Variants in PAQR4 observed in about 807,000 individuals in gnomAD.
The protein encoded by PAQR4 is progestin and adipoQ receptor family member IV.
In PAQR4, 26 loss-of-function variants were observed where a neutral mutation model predicts 20.9. The ratio of observed to expected loss-of-function variants is 1.24; its 90% CI spans 0.91 to 1.73. PAQR4 has a LOEUF of 1.73. Among genes scored for constraint, PAQR4 ranks in the 40% most tolerant of loss-of-function variants. PAQR4 has a pLI of 0.00. For missense variants in PAQR4, 400 were observed against 380.1 expected, an observed-to-expected ratio of 1.05 and a Z score of -0.44; for synonymous variants, 193 against 171.6, an observed-to-expected ratio of 1.12 and a Z score of -0.97.
At position 2,972,988 on chromosome 16, in the gene PAQR4, G is replaced by A; in HGVS notation, c.*1040G>A. Reference sequence around the variant, plus strand: ...TCTAGGGTGTCCTCAAACAGGCTGAGGAGGTTCCGAGGCTCAAAGGAGGGG... The same window carrying A: ...TCTAGGGTGTCCTCAAACAGGCTGAAGAGGTTCCGAGGCTCAAAGGAGGGG... On this transcript the variant is annotated 3_prime_UTR_variant, in exon 3 of 3. Coordinates refer to ENST00000318782, the MANE Select transcript of PAQR4 (RefSeq NM_152341.5). The A allele has an allele frequency of 6.2e-7, 1 of 1,610,368 alleles. No individual in the cohort carries two copies. Among genetic ancestry groups the A allele is most frequent in the Non-Finnish European group, 8.5e-7 (1 of 1,179,182 alleles).
rs2072069572 is a variant in PAQR4, at chr16:2,973,420, CCT to C, written c.*1475_*1476del. 4.6e-6 allele frequency: 7 copies of C among 1,533,502 alleles called. No homozygotes were observed. Among genetic ancestry groups the C allele is most frequent in the Non-Finnish European group, 5.2e-6 (6 of 1,144,944 alleles). The allele number at this position is 1,533,502 out of a possible 1,614,324, so 95.0% of individuals were successfully genotyped here. A position where few individuals can be genotyped will look rare whatever the true frequency, so the allele number is the denominator to read the frequency against. ...TCCATCTGGCTGCACTCCAAGGCCC[CCT>C]CTGTCCTTTTCAGAACACATGGACT... On this transcript the variant is annotated 3_prime_UTR_variant, in exon 3 of 3. Coordinates refer to ENST00000318782, the MANE Select transcript of PAQR4 (RefSeq NM_152341.5).
intron 1 of PAQR4, 144 bp from the exon 2 acceptor site, chr16:2,971,013 G>C: frequency 1.3e-6 from 1 of 757,470 alleles, no homozygotes; most frequent in Non-Finnish European, 2.2e-6. Flanking sequence ...TTTGCCCAGG[G>C]CCTGTCTCTG....
Position 2,971,656 on chromosome 16 carries a change from T to C in PAQR4, c.530T>C (p.Phe177Ser). 6.2e-7 allele frequency: 1 copy of C among 1,610,588 alleles called. No individual in the cohort carries two copies. The highest frequency in any genetic ancestry group is 8.5e-7 in the Non-Finnish European group (1 of 1,179,878). Reference sequence around the variant, plus strand: ...TCCACCAGTGCTCGGCTCCGGGCATTTGGATGGCAGGCTGCTGCCCGCCTA... The same window carrying C: ...TCCACCAGTGCTCGGCTCCGGGCATCTGGATGGCAGGCTGCTGCCCGCCTA... The part of the protein sequence containing the change: ...APSTSARLRA[F>S]GWQAAARLLV... Residue 177 changes from phenylalanine (F) to serine (S), a missense_variant, in exon 3 of 3, where the codon TTT (phenylalanine) becomes TCT (serine). By Grantham distance (155) the Phe-to-Ser change is radical. Coordinates refer to ENST00000318782, the MANE Select transcript of PAQR4 (RefSeq NM_152341.5).
intron 1 of PAQR4, 69 bp from the exon 2 acceptor site, chr16:2,971,086 TTG>T (rs1355262133): frequency 2.7e-6 from 4 of 1,457,150 alleles, no homozygotes; most frequent in Admixed American, 3.4e-5. Flanking sequence ...CTGTCCTGTG[TTG>T]TGTCTGAACC....
rs372876046 is a variant in PAQR4 at position 2,971,278 on chromosome 16, C to T, written c.288C>T (p.Ser96=). ...CCTGCCTTGCACCCCCTGCAGGCTC[C>T]GTGCTCTATCACCTCTTTATGTGCC... The part of the protein sequence containing the change: ...CVACLAPPAG[S]VLYHLFMCHQ... The change falls in exon 2 of 3, where the codon TCC becomes TCT. Residue 96 remains serine (S), a synonymous_variant. Transcript: ENST00000318782. 30 of 1,613,002 alleles carry T rather than the reference C, an allele frequency of 1.9e-5. No individual in the cohort carries two copies. In the South Asian group the frequency reaches 1.9e-4, roughly 10 times the overall value.
rs756551511 is a variant in PAQR4 at position 2,971,229 on chromosome 16, G to C, written c.239G>C (p.Trp80Ser). ...MPWGQLGKDG[W>S]LGGTHCVACL... is the part of the protein sequence containing the mutation. Reference sequence around the variant, plus strand: ...TGGGGTCAGCTGGGCAAGGATGGCTGGCTGGGAGGCACACATTGCGTGGCC... The same window carrying C: ...TGGGGTCAGCTGGGCAAGGATGGCTCGCTGGGAGGCACACATTGCGTGGCC... Residue 80 changes from tryptophan (W) to serine (S), a missense_variant, in exon 2 of 3, where the codon TGG (tryptophan) becomes TCG (serine). Transcript: ENST00000318782. 1.2e-6 allele frequency: 2 copies of C among 1,613,296 alleles called. No individual in the cohort carries two copies. The highest frequency in any genetic ancestry group is 3.3e-5 in the Admixed American group (2 of 60,032).
In PAQR4 at chr16:2,969,688, C is replaced by T; in HGVS notation, c.14C>T (p.Ala5Val). 1 of 1,574,720 alleles carries T rather than the reference C, an allele frequency of 6.4e-7. No homozygotes were observed. Among genetic ancestry groups the T allele is most frequent in the Non-Finnish European group, 8.6e-7 (1 of 1,162,844 alleles). MAFL[A>V]GPRLLDWASS... The stretch of plus-strand genomic sequence containing the variant: ...GCGGTGCGGACCATGGCGTTCCTGG[C>T]CGGGCCGCGCCTGCTGGACTGGGCC... Residue 5 changes from alanine to valine, a missense_variant, in exon 1 of 3, where the codon GCC (alanine) becomes GTC (valine). By Grantham distance (64) the Ala-to-Val change is moderately conservative. Transcript: ENST00000318782.
chr16:2,970,532 C>T (rs966095667), intron 1 of PAQR4, among the ~76,000 whole-genome samples: 1 of 152,214 alleles, frequency 6.6e-6, no homozygotes, highest in Non-Finnish European at 1.5e-5. Context: ...CCAGAAAGGG[C>T]TAGGCTGGAA....
Position 2,969,434 on chromosome 16 carries a change from C to G in PAQR4, c.-241C>G, listed in dbSNP as rs1365136906. On this transcript the variant is annotated 5_prime_UTR_variant, in exon 1 of 3. Coordinates refer to ENST00000318782, the MANE Select transcript of PAQR4 (RefSeq NM_152341.5). ...TTGGCGGAGCCGACCGCAGTGCGCT[C>G]AGGCGTCCGGTGCGTCCCCAGCCTC... 1 of 234,856 alleles carries G rather than the reference C, an allele frequency of 4.3e-6. No homozygotes were observed. 14.5% of individuals were successfully genotyped at this position (234,856 alleles called of 1,614,324 possible).
At chr16:2,970,086 T>G (rs2071940905) in intron 1 of PAQR4, 1 of 516,640 alleles carries the variant, frequency 1.9e-6, no homozygotes, top group Admixed American at 3.8e-5. Flanking sequence ...GCTTAATCCC[T>G]CTGAGCCCCA....
chr16:2,969,797 C>A lies in PAQR4; in HGVS notation c.123C>A (p.Ser41Arg). The change falls in exon 1 of 3, where the codon AGC (serine) becomes AGA (arginine). Residue 41 changes from serine to arginine, a missense_variant. Physicochemically the swap from Ser to Arg is moderately radical, Grantham distance 110. Transcript: ENST00000318782. ...PASSGSGCLR[S>R]LFYLHNELGN... is the part of the protein sequence containing the mutation. Reference sequence around the variant, plus strand: ...GCAGCGGCTCGGGCTGCCTGCGCAGCCTCTTCTACCTGCACAACGAACTGG... The same window carrying A: ...GCAGCGGCTCGGGCTGCCTGCGCAGACTCTTCTACCTGCACAACGAACTGG... 6.2e-7 allele frequency: 1 copy of A among 1,610,314 alleles called. No individual in the cohort carries two copies. The highest frequency in any genetic ancestry group is 8.5e-7 in the Non-Finnish European group (1 of 1,178,846).
rs755144374 is a variant in PAQR4 at position 2,971,931 on chromosome 16, G to A, written c.805G>A (p.Ala269Thr). Reference sequence around the variant, plus strand: ...CGACCTGCTCTGGGCTGCCCACCACGCCTGTCCCCGGGACTGAGCTGCCAT... The same window carrying A: ...CGACCTGCTCTGGGCTGCCCACCACACCTGTCCCCGGGACTGAGCTGCCAT... ...VPDLLWAAHH[A>T]CPRD is the part of the protein sequence containing the mutation. The change falls in exon 3 of 3, where the codon GCC becomes ACC. Residue 269 changes from alanine to threonine, a missense_variant. By Grantham distance (58) the Ala-to-Thr change is moderately conservative. Coordinates refer to ENST00000318782, the MANE Select transcript of PAQR4 (RefSeq NM_152341.5). The A allele has an allele frequency of 8.2e-6, 13 of 1,593,210 alleles. No individual in the cohort carries two copies. The highest frequency in any genetic ancestry group is 1.8e-4 in the Middle Eastern group (1 of 5,612).
At position 2,971,391 on chromosome 16, in the gene PAQR4, C is replaced by G; in HGVS notation, c.388+13C>G. 6.2e-7 allele frequency: 1 copy of G among 1,604,054 alleles called. No individual in the cohort carries two copies. The highest frequency in any genetic ancestry group is 8.5e-7 in the Non-Finnish European group (1 of 1,178,402). On this transcript the variant is annotated intron_variant, in intron 2 of 2. Transcript: ENST00000318782. ...GTCAACACCCTTGGTGAGTCAGGGC[C>G]CAAGGGATGGGAGCTGGAGCCACCG...
rs775917796 is a variant in PAQR4, at chr16:2,969,695, G to A, written c.21G>A (p.Pro7=). The A allele has an allele frequency of 3.8e-6, 6 of 1,583,092 alleles. No individual in the cohort carries two copies. Among genetic ancestry groups the A allele is most frequent in the African/African-American group, 1.4e-5 (1 of 72,746 alleles). Residue 7 remains proline, a synonymous_variant, in exon 1 of 3, where the codon CCG becomes CCA. Transcript: ENST00000318782. MAFLAG[P]RLLDWASSPP... is the part of the protein sequence containing the mutation. ...GGACCATGGCGTTCCTGGCCGGGCC[G>A]CGCCTGCTGGACTGGGCCAGCTCGC...
Position 2,971,435 on chromosome 16 carries a change from A to C in PAQR4, c.388+57A>C, listed in dbSNP as rs1248085135. 3 of 1,585,026 alleles carry C rather than the reference A, an allele frequency of 1.9e-6. No homozygotes were observed. The African/African-American group carries it at 4.0e-5, about 21-fold the overall frequency. On this transcript the variant is annotated intron_variant, in intron 2 of 2. Transcript: ENST00000318782. The stretch of plus-strand genomic sequence containing the variant: ...GCCACCGGCGGGAGAGGCATGGGGC[A>C]CGCATACAAGCCATGGGTAGGGAAG...
intron 1 of PAQR4, 91 bp from the exon 2 acceptor site, chr16:2,971,066 C>T (rs2071972046): frequency 7.0e-6 from 9 of 1,284,350 alleles, no homozygotes; most frequent in African/African-American, 2.9e-5. Flanking sequence ...TTACCTGGAC[C>T]TGTCTTGCCC....
Position 2,973,302 on chromosome 16 carries a change from C to T in PAQR4, c.*1354C>T, listed in dbSNP as rs775039305. The T allele has an allele frequency of 6.6e-7, 1 of 1,510,746 alleles. No homozygotes were observed. Among genetic ancestry groups the T allele is most frequent in the African/African-American group, 1.4e-5 (1 of 71,220 alleles). The allele number at this position is 1,510,746 out of a possible 1,614,324, so 93.6% of individuals were successfully genotyped here. ...GCTCTGTCCCTGTGCAGGCTCCAGG[C>T]TCCCGCCTGACAAACAGGCAGGGAG... On this transcript the variant is annotated 3_prime_UTR_variant, in exon 3 of 3. Transcript: ENST00000318782.
chr16:2,971,406 TGGAGCCACCGGCG>T lies in PAQR4; in HGVS notation c.388+33_388+45del, dbSNP rs761343335. 7.5e-6 allele frequency: 12 copies of T among 1,598,344 alleles called. No individual in the cohort carries two copies. The African/African-American group carries it at 1.3e-4, about 18-fold the overall frequency. Reference sequence around the variant, plus strand: ...GAGTCAGGGCCCAAGGGATGGGAGCTGGAGCCACCGGCGGGAGAGGCATGGGGCACGCATACAA... The same window carrying T: ...GAGTCAGGGCCCAAGGGATGGGAGCTGGAGAGGCATGGGGCACGCATACAA... On this transcript the variant is annotated intron_variant, in intron 2 of 2. Transcript: ENST00000318782.
chr16:2,972,564 A>G lies in PAQR4; in HGVS notation c.*616A>G. 2 of 1,490,776 alleles carry G rather than the reference A, an allele frequency of 1.3e-6. No individual in the cohort carries two copies. The highest frequency in any genetic ancestry group is 1.8e-6 in the Non-Finnish European group (2 of 1,118,578). 92.3% of individuals were successfully genotyped at this position (1,490,776 alleles called of 1,614,324 possible). On this transcript the variant is annotated 3_prime_UTR_variant, in exon 3 of 3. Transcript: ENST00000318782. ...GACACAGGGAGCTCAGCGGCCTCAGATCCTGGGACCCCTGGGCCGTGCCTG... is the reference window on the plus strand; with the variant it reads ...GACACAGGGAGCTCAGCGGCCTCAGGTCCTGGGACCCCTGGGCCGTGCCTG...
Sources: allele counts gnomAD v4.1 joint callset (sites outside exome capture counted in the v4.1 genomes callset), GRCh38; gene constraint gnomAD v4.1.1; transcripts MANE v1.5; gene names NCBI Gene and HGNC (gene_info 2026-07-23, HGNC 2026-07-21).